NCAM2: variants seen among roughly 807,000 people sequenced by gnomAD.
NCAM2 encodes N-CAM-2.
In NCAM2, 30 loss-of-function variants were observed where a neutral mutation model predicts 98.1. That is an observed-to-expected ratio of 0.31 (90% CI 0.23 to 0.41). NCAM2 has a LOEUF of 0.41. Ranked by LOEUF, NCAM2 falls within the 10% of genes least tolerant of loss-of-function variation. The pLI is 1.00. For synonymous variants in NCAM2, 368 were observed against 342.4 expected, an observed-to-expected ratio of 1.07 and a Z score of -0.83; for missense variants, 867 against 1,005.8, an observed-to-expected ratio of 0.86 and a Z score of 1.87.
chr21:21,478,988 T>C lies in NCAM2; in HGVS notation c.2077+1517T>C, dbSNP rs567506543. ...CACTTCTACAATTGTAATGAATACG[T>C]ATGTGGTAATTATATTTCATGCAAA... On this transcript the variant is annotated intron_variant, in intron 15 of 17. Coordinates refer to ENST00000400546, the MANE Select transcript of NCAM2 (RefSeq NM_004540.5). Among the ~76,000 whole-genome samples the C allele has an allele frequency of 6.6e-5, 10 of 152,266 alleles. No homozygotes were observed. The South Asian group carries it at 1.9e-3, about 28-fold the overall frequency.
At chr21:21,089,700 A>G (rs2065973496) in intron 1 of NCAM2, among the ~76,000 whole-genome samples, 2 of 151,958 alleles carry the variant, frequency 1.3e-5, no homozygotes, top group African/African-American at 4.8e-5. Context: ...CCTTCATTGC[A>G]TCCTGCACTG....
intron 1 of NCAM2, among the ~76,000 whole-genome samples, chr21:21,130,550 C>T (rs2066912608): frequency 6.6e-6 from 1 of 152,028 alleles, no homozygotes; most frequent in South Asian, 2.1e-4. Context: ...TATATAATTA[C>T]ACTAATTCCG....
At chr21:21,427,276 T>G (rs889453662) in intron 11 of NCAM2, among the ~76,000 whole-genome samples, 3 of 151,126 alleles carry the variant, frequency 2.0e-5, no homozygotes, top group Non-Finnish European at 4.4e-5. Context: ...GAAGAAAGAA[T>G]AAAATTCCAA....
intron 1 of NCAM2, among the ~76,000 whole-genome samples, chr21:21,226,385 T>C (rs2070384446): frequency 6.6e-6 from 1 of 152,144 alleles, no homozygotes; most frequent in Admixed American, 6.6e-5. Flanking sequence ...AACAAATGTA[T>C]GTGAGTTAGG....
At chr21:21,304,331 T>A (rs968442816) in intron 5 of NCAM2, among the ~76,000 whole-genome samples, 11 of 151,550 alleles carry the variant, frequency 7.3e-5, no homozygotes, top group Admixed American at 2.0e-4. Flanking sequence ...TTGTTGTATT[T>A]TTTTTTTGGC....
chr21:21,305,566 G>A (rs1822658), intron 5 of NCAM2, among the ~76,000 whole-genome samples: 112,260 of 151,020 alleles, frequency 0.74, 41,635 homozygotes, highest in South Asian at 0.82. Context: ...TTTAAAATCA[G>A]GTTGAGAAAC....
At chr21:21,279,104 T>G (rs2072834276) in intron 1 of NCAM2, among the ~76,000 whole-genome samples, 1 of 152,084 alleles carries the variant, frequency 6.6e-6, no homozygotes, top group Admixed American at 6.6e-5. Context: ...CTTTTGCCAC[T>G]TAGCTGTGAG....
intron 1 of NCAM2, among the ~76,000 whole-genome samples, chr21:21,228,346 A>G (rs1167911934): frequency 6.6e-6 from 1 of 151,646 alleles, no homozygotes; most frequent in African/African-American, 2.4e-5. Flanking sequence ...ATGATACATT[A>G]GCAATTTTCT....
At chr21:21,260,956 A>G (rs2071873986) in intron 1 of NCAM2, among the ~76,000 whole-genome samples, 1 of 152,194 alleles carries the variant, frequency 6.6e-6, no homozygotes, top group Non-Finnish European at 1.5e-5. Flanking sequence ...TTTGCCTTCA[A>G]GAGACCTGTC....
chr21:21,182,112 T>C (rs576496793), intron 1 of NCAM2, among the ~76,000 whole-genome samples: 4 of 152,154 alleles, frequency 2.6e-5, no homozygotes, highest in East Asian at 1.9e-4. Context: ...TAGTAGTCAC[T>C]TAGTAATAAT....
At chr21:21,272,486 ATACACACACAT>A (rs2072537909) in intron 1 of NCAM2, among the ~76,000 whole-genome samples, 15 of 126,846 alleles carry the variant, frequency 1.2e-4, no homozygotes, top group Admixed American at 1.1e-3. Flanking sequence ...ACACGCACAC[ATACACACACAT>A]GCGCGCGCGC....
chr21:21,076,834 A>G (rs770079099), intron 1 of NCAM2, among the ~76,000 whole-genome samples: 1 of 152,228 alleles, frequency 6.6e-6, no homozygotes, highest in Non-Finnish European at 1.5e-5. Context: ...ATTTATGTAC[A>G]TAGCTTCTTT....
At chr21:21,224,792 C>T (rs1167587783) in intron 1 of NCAM2, among the ~76,000 whole-genome samples, 1 of 152,014 alleles carries the variant, frequency 6.6e-6, no homozygotes, top group African/African-American at 2.4e-5. Context: ...TAGCATTCCT[C>T]TTAGCAATTG....
intron 15 of NCAM2, among the ~76,000 whole-genome samples, chr21:21,481,778 G>A (rs932683998): frequency 2.6e-5 from 4 of 152,068 alleles, no homozygotes; most frequent in Admixed American, 1.3e-4. Flanking sequence ...CAAAAAAAGG[G>A]GAAAATGAAA....
intron 8 of NCAM2, among the ~76,000 whole-genome samples, chr21:21,359,031 T>C (rs1481095963): frequency 6.6e-6 from 1 of 152,024 alleles, no homozygotes; most frequent in Non-Finnish European, 1.5e-5. Flanking sequence ...AAAAGTCAAC[T>C]TCTGATTGTA....
In NCAM2 at chr21:21,538,005, T is replaced by C. The variant is rs1267989511; in HGVS notation, c.*48T>C. ...ACAACACTACGAAGAGTATTTGGAT[T>C]GCGTGACCCTATGACCAAAACTATT... On this transcript the variant is annotated 3_prime_UTR_variant, in exon 18 of 18. Transcript: ENST00000400546. 1 of 1,140,308 alleles carries C rather than the reference T, an allele frequency of 8.8e-7. No homozygotes were observed. The highest frequency in any genetic ancestry group is 1.6e-5 in the South Asian group (1 of 61,686). The allele number at this position is 1,140,308 out of a possible 1,614,324, so 70.6% of individuals were successfully genotyped here. A position where few individuals can be genotyped will look rare whatever the true frequency, so the allele number is the denominator to read the frequency against.
intron 16 of NCAM2, among the ~76,000 whole-genome samples, chr21:21,519,814 A>T (rs554774691): frequency 6.6e-6 from 1 of 152,156 alleles, no homozygotes. Flanking sequence ...GTTCGGATTT[A>T]TACTATCTTT....
chr21:21,271,345 C>T (rs2072490014), intron 1 of NCAM2, among the ~76,000 whole-genome samples: 1 of 152,132 alleles, frequency 6.6e-6, no homozygotes, highest in Admixed American at 6.6e-5. Flanking sequence ...AGCGTATCAT[C>T]CAGTGGAGAG....
intron 12 of NCAM2, among the ~76,000 whole-genome samples, chr21:21,443,950 C>G (rs533540763): frequency 2.0e-5 from 3 of 152,090 alleles, no homozygotes; most frequent in African/African-American, 7.2e-5. Flanking sequence ...AGTTTTTGCC[C>G]ATTCAATGTG....
Sources: allele counts gnomAD v4.1 joint callset (sites outside exome capture counted in the v4.1 genomes callset), GRCh38; gene constraint gnomAD v4.1.1; transcripts MANE v1.5; gene names NCBI Gene and HGNC (gene_info 2026-07-23, HGNC 2026-07-21).